Variants in CNTNAP2 observed in about 807,000 individuals in gnomAD.
The protein encoded by CNTNAP2 is contactin associated protein 2.
Under a neutral mutation model 155.2 loss-of-function variants are expected in CNTNAP2, and 98 were observed. The observed-to-expected ratio is 0.63, with a 90% CI of 0.54 to 0.75. The LOEUF is 0.75. Ranked by LOEUF, CNTNAP2 falls within the 30% of genes least tolerant of loss-of-function variation. The probability of loss-of-function intolerance (pLI) is 0.00; values close to 1 mark genes in which losing one functional copy is unlikely to be tolerated. For missense variants in CNTNAP2, 1,727 were observed against 1,688.1 expected, an observed-to-expected ratio of 1.02 and a Z score of -0.40; for synonymous variants, 651 against 631.2, an observed-to-expected ratio of 1.03 and a Z score of -0.47.
chr7:146,393,853 G>A (rs1186565551), intron 1 of CNTNAP2, among the ~76,000 whole-genome samples: 1 of 152,002 alleles, frequency 6.6e-6, no homozygotes, highest in Non-Finnish European at 1.5e-5. Flanking sequence ...TTTAAAAGAG[G>A]CATAAGCTTA....
intron 3 of CNTNAP2, among the ~76,000 whole-genome samples, chr7:146,902,105 C>T (rs992405147): frequency 2.0e-5 from 3 of 151,392 alleles, no homozygotes; most frequent in African/African-American, 7.3e-5. Flanking sequence ...AGGATGGTGT[C>T]GATCTCCTAA....
Position 146,815,366 on chromosome 7 carries a change from T to C in CNTNAP2, c.209-24345T>C, listed in dbSNP as rs991354153. On this transcript the variant is annotated intron_variant, in intron 2 of 23. Coordinates refer to ENST00000361727, the MANE Select transcript of CNTNAP2 (RefSeq NM_014141.6). ...TTAGACTCTAAATAACTGTGTGATA[T>C]TGGAAATTTACTGAAATTCGTAATG... Among the ~76,000 whole-genome samples, 5 of 152,162 alleles carry C rather than the reference T, an allele frequency of 3.3e-5. 1 individual carries two copies. The South Asian group carries it at 1.0e-3, about 31-fold the overall frequency.
rs141273074 is a variant in CNTNAP2, at chr7:148,078,072, GT to G, written c.2384-40036del. On this transcript the variant is annotated intron_variant, in intron 15 of 23. Coordinates refer to ENST00000361727, the MANE Select transcript of CNTNAP2 (RefSeq NM_014141.6). ...TACCCAAAAACATAATCATTGTTTT[GT>G]TTTTTTTTTAGACAGAATCTTGCTC... 8.5e-4 allele frequency among the ~76,000 whole-genome samples: 126 copies of G among 148,222 alleles called. 1 individual carries two copies. The highest frequency in any genetic ancestry group is 2.9e-3 in the African/African-American group (116 of 40,516).
intron 13 of CNTNAP2, among the ~76,000 whole-genome samples, chr7:147,788,912 T>C (rs977231905): frequency 1.4e-5 from 2 of 143,580 alleles, no homozygotes; most frequent in African/African-American, 2.6e-5. Context: ...TTTTTTTTTT[T>C]TTTTTTTTTT....
intron 1 of CNTNAP2, among the ~76,000 whole-genome samples, chr7:146,655,954 G>T (rs915583865): frequency 6.6e-6 from 1 of 152,162 alleles, no homozygotes; most frequent in Admixed American, 6.6e-5. Context: ...AATGGGATAG[G>T]TTTTGTTTGG....
intron 21 of CNTNAP2, among the ~76,000 whole-genome samples, chr7:148,330,614 A>T (rs145087908): frequency 2.3e-5 from 3 of 130,480 alleles, no homozygotes; most frequent in Admixed American, 8.8e-5. Flanking sequence ...GACGGATGGA[A>T]TGGACACATG....
intron 14 of CNTNAP2, among the ~76,000 whole-genome samples, chr7:147,917,385 C>T (rs1800178888): frequency 6.6e-6 from 1 of 152,150 alleles, no homozygotes; most frequent in Non-Finnish European, 1.5e-5. Context: ...AAAGTTAGTT[C>T]CCATGCATGT....
chr7:147,689,598 T>C (rs1263162723), intron 13 of CNTNAP2, among the ~76,000 whole-genome samples: 1 of 152,224 alleles, frequency 6.6e-6, no homozygotes, highest in Admixed American at 6.5e-5. Flanking sequence ...TGCGTTATTA[T>C]ATACTGATCA....
chr7:146,719,556 G>A (rs1801249328), intron 1 of CNTNAP2, among the ~76,000 whole-genome samples: 1 of 152,070 alleles, frequency 6.6e-6, no homozygotes, highest in Non-Finnish European at 1.5e-5. Context: ...TTGCACTGTG[G>A]TTTTTGAGAA....
At chr7:148,046,698 T>C (rs781519731) in intron 15 of CNTNAP2, among the ~76,000 whole-genome samples, 1 of 152,194 alleles carries the variant, frequency 6.6e-6, no homozygotes, top group Non-Finnish European at 1.5e-5. Context: ...TTTCATAACA[T>C]GCTTCAACAT....
At chr7:147,725,414 C>A (rs947678234) in intron 13 of CNTNAP2, among the ~76,000 whole-genome samples, 1 of 152,028 alleles carries the variant, frequency 6.6e-6, no homozygotes, top group Non-Finnish European at 1.5e-5. Context: ...ACAATCTTTT[C>A]TTCTTAATGC....
intron 8 of CNTNAP2, among the ~76,000 whole-genome samples, chr7:147,196,443 A>G (rs1445843417): frequency 6.6e-6 from 1 of 152,236 alleles, no homozygotes; most frequent in African/African-American, 2.4e-5. Flanking sequence ...GTTAAGACAC[A>G]AACACCAAAG....
intron 21 of CNTNAP2, among the ~76,000 whole-genome samples, chr7:148,374,928 T>G (rs1250145911): frequency 6.6e-6 from 1 of 152,202 alleles, no homozygotes; most frequent in Non-Finnish European, 1.5e-5. Context: ...GACAGGTACA[T>G]CCATTATTCT....
chr7:147,655,052 A>T (rs1795505298), intron 13 of CNTNAP2, among the ~76,000 whole-genome samples: 1 of 151,880 alleles, frequency 6.6e-6, no homozygotes, highest in South Asian at 2.1e-4. Context: ...ACCTCAGGTG[A>T]TCCACCCGCC....
intron 1 of CNTNAP2, among the ~76,000 whole-genome samples, chr7:146,270,390 G>A (rs1219701743): frequency 6.6e-6 from 1 of 152,132 alleles, no homozygotes; most frequent in African/African-American, 2.4e-5. Context: ...TCCACCAGAT[G>A]ATGTCCTGGT....
chr7:146,305,373 A>G lies in CNTNAP2; in HGVS notation c.97+188400A>G, dbSNP rs1003003394. 3.3e-5 allele frequency among the ~76,000 whole-genome samples: 5 copies of G among 152,090 alleles called. No individual in the cohort carries two copies. In the South Asian group the frequency reaches 1.0e-3, roughly 32 times the overall value. On this transcript the variant is annotated intron_variant, in intron 1 of 23. Transcript: ENST00000361727. ...AGGCGCTCTGATTTTTAGAATTTTC[A>G]GCTTTTCTGCTCTGGTTTCTCCCCA...
intron 1 of CNTNAP2, among the ~76,000 whole-genome samples, chr7:146,671,342 A>C (rs140422952): frequency 6.6e-6 from 1 of 151,912 alleles, no homozygotes; most frequent in African/African-American, 2.4e-5. Flanking sequence ...TGTCTTTGCT[A>C]TCATACTCTT....
intron 9 of CNTNAP2, among the ~76,000 whole-genome samples, chr7:147,314,779 G>A (rs1448016945): frequency 2.7e-5 from 4 of 150,940 alleles, no homozygotes; most frequent in Non-Finnish European, 5.9e-5. Flanking sequence ...AATATTTGAA[G>A]GGCAGAAAAT....
intron 1 of CNTNAP2, among the ~76,000 whole-genome samples, chr7:146,513,813 TA>T (rs1369165892): frequency 6.6e-6 from 1 of 151,984 alleles, no homozygotes; most frequent in Non-Finnish European, 1.5e-5. Context: ...AACTGCATAT[TA>T]GTGTCTTTTT....
Sources: allele counts gnomAD v4.1 joint callset (sites outside exome capture counted in the v4.1 genomes callset), GRCh38; gene constraint gnomAD v4.1.1; transcripts MANE v1.5; gene names NCBI Gene and HGNC (gene_info 2026-07-23, HGNC 2026-07-21).